Variants in NAPEPLD observed in about 807,000 individuals in gnomAD.
The protein encoded by NAPEPLD is N-acyl-phosphatidylethanolamine-hydrolyzing phospholipase D.
A neutral mutation model predicts 38.1 loss-of-function variants in NAPEPLD; 23 were observed. The observed-to-expected ratio is 0.60, with a 90% CI of 0.43 to 0.86. The LOEUF is 0.86. NAPEPLD is among the 40% of genes least tolerant of loss of function. The pLI is 0.00. For missense variants in NAPEPLD, 411 were observed against 476.8 expected, an observed-to-expected ratio of 0.86 and a Z score of 1.28; for synonymous variants, 147 against 162.0, an observed-to-expected ratio of 0.91 and a Z score of 0.71.
rs1802420024 is a variant in NAPEPLD at position 103,101,691 on chromosome 7, T to C, written c.*1738A>G. On this transcript the variant is annotated 3_prime_UTR_variant, in exon 5 of 5. Coordinates refer to ENST00000465647, the MANE Select transcript of NAPEPLD (RefSeq NM_001122838.3). Reference sequence around the variant, plus strand: ...GTTGCAAATGAGGAAACAGGCACAGTGAGCACTGGTGACTTGTTTCAGGTT... The same window carrying C: ...GTTGCAAATGAGGAAACAGGCACAGCGAGCACTGGTGACTTGTTTCAGGTT... 1 of 152,594 alleles carries C rather than the reference T, an allele frequency of 6.6e-6. No homozygotes were observed. Among genetic ancestry groups the C allele is most frequent in the Admixed American group, 6.5e-5 (1 of 15,270 alleles). The allele number at this position is 152,594 out of a possible 1,614,324, so 9.5% of individuals were successfully genotyped here. A position where few individuals can be genotyped will look rare whatever the true frequency, so the allele number is the denominator to read the frequency against.
intron 2 of NAPEPLD, among the ~76,000 whole-genome samples, chr7:103,124,230 G>A (rs935364232): frequency 1.3e-5 from 2 of 152,096 alleles, no homozygotes; most frequent in African/African-American, 4.8e-5. Flanking sequence ...AGGCCAAGGT[G>A]GGTGGATCAC....
chr7:103,131,741 T>G (rs1431381412), intron 1 of NAPEPLD, among the ~76,000 whole-genome samples: 1 of 151,568 alleles, frequency 6.6e-6, no homozygotes, highest in African/African-American at 2.4e-5. Context: ...AAGATGGGAC[T>G]AGATTGTGAG....
intron 4 of NAPEPLD, among the ~76,000 whole-genome samples, chr7:103,106,599 G>A (rs1414424361): frequency 6.6e-6 from 1 of 152,064 alleles, no homozygotes; most frequent in African/African-American, 2.4e-5. Flanking sequence ...GCTTGAGTAG[G>A]CAGTTTTCCC....
At chr7:103,133,128 G>C (rs1190684165) in intron 1 of NAPEPLD, among the ~76,000 whole-genome samples, 1 of 152,124 alleles carries the variant, frequency 6.6e-6, no homozygotes, top group East Asian at 1.9e-4. Flanking sequence ...ATGGTTCACA[G>C]GGTCTGTGTT....
In NAPEPLD at chr7:103,142,995, A is replaced by G. The variant is rs1318447488; in HGVS notation, c.-17+5816T>C. Reference sequence around the variant, plus strand: ...TCCCAACACGTTGGGAGGCCAAGGCAGGCAGATCACTTGAGCCCAGGAGTT... The same window carrying G: ...TCCCAACACGTTGGGAGGCCAAGGCGGGCAGATCACTTGAGCCCAGGAGTT... On this transcript the variant is annotated intron_variant, in intron 1 of 4. Coordinates refer to ENST00000465647, the MANE Select transcript of NAPEPLD (RefSeq NM_001122838.3). Among the ~76,000 whole-genome samples the G allele has an allele frequency of 2.6e-5, 4 of 152,086 alleles. No individual in the cohort carries two copies. The East Asian group carries it at 7.7e-4, about 29-fold the overall frequency.
Position 103,120,215 on chromosome 7 carries a change from G to T in NAPEPLD, c.303C>A (p.Asp101Glu). 1.9e-6 allele frequency: 3 copies of T among 1,611,042 alleles called. No individual in the cohort carries two copies. The highest frequency in any genetic ancestry group is 1.7e-6 in the Non-Finnish European group (2 of 1,178,264). ...SSVPSSKEEL[D>E]KELPVLKPYF... is the part of the protein sequence containing the mutation. ...ATGGCTTAAGCACTGGGAGTTCTTT[G>T]TCTAGTTCCTTTGTGTATAAAGAAA... is the stretch of plus-strand genomic sequence containing the variant. Residue 101 changes from aspartate (D) to glutamate (E), a missense_variant, in exon 3 of 5, where the codon GAC becomes GAA. Transcript: ENST00000465647.
intron 1 of NAPEPLD, among the ~76,000 whole-genome samples, chr7:103,134,683 T>C (rs1176563582): frequency 6.6e-6 from 1 of 152,184 alleles, no homozygotes; most frequent in Admixed American, 6.5e-5. Flanking sequence ...AATGTTCTTT[T>C]TTAAAGAACA....
At chr7:103,147,516 A>C (rs1341246102) in intron 1 of NAPEPLD, among the ~76,000 whole-genome samples, 3 of 152,206 alleles carry the variant, frequency 2.0e-5, no homozygotes, top group Non-Finnish European at 4.4e-5. Flanking sequence ...ATTAAAGGCA[A>C]ATACTGCTTT....
At chr7:103,114,937 T>C (rs540843239) in intron 4 of NAPEPLD, 123 bp downstream of exon 4, 1 of 662,900 alleles carries the variant, frequency 1.5e-6, no homozygotes, top group Admixed American at 2.8e-5. Context: ...ATTCATGCAG[T>C]GACTGTGATG....
chr7:103,144,037 T>A (rs911440654), intron 1 of NAPEPLD, among the ~76,000 whole-genome samples: 1 of 152,192 alleles, frequency 6.6e-6, no homozygotes, highest in African/African-American at 2.4e-5. Flanking sequence ...ATAATTATTA[T>A]CCTCATGCTA....
intron 1 of NAPEPLD, among the ~76,000 whole-genome samples, chr7:103,146,340 G>A (rs1350721183): frequency 2.7e-5 from 4 of 147,530 alleles, no homozygotes; most frequent in Admixed American, 6.8e-5. Flanking sequence ...GCGAGACTCC[G>A]TCTCAAAAAA....
At chr7:103,146,936 A>G (rs1040052457) in intron 1 of NAPEPLD, among the ~76,000 whole-genome samples, 64 of 152,134 alleles carry the variant, frequency 4.2e-4, no homozygotes, top group Admixed American at 4.2e-3. Context: ...CTCTCTCTAT[A>G]TATATACATA....
chr7:103,124,556 G>T (rs1032482341), intron 2 of NAPEPLD, among the ~76,000 whole-genome samples: 1 of 152,130 alleles, frequency 6.6e-6, no homozygotes, highest in Non-Finnish European at 1.5e-5. Context: ...CACTCACGTG[G>T]CATTTTCATG....
In NAPEPLD at chr7:103,103,441, A is replaced by G; in HGVS notation, c.1170T>C (p.Asp390=). The G allele has an allele frequency of 7.6e-7, 1 of 1,317,544 alleles. No individual in the cohort carries two copies. The allele number at this position is 1,317,544 out of a possible 1,614,324, so 81.6% of individuals were successfully genotyped here. ...GTGCTCACATTTATTAAAAGTTTTC[A>G]TCATCATTATTTAGGTATCTTGATT... ...HGESRYLNND[D]ENF Residue 390 remains aspartate, a synonymous_variant, in exon 5 of 5, where the codon GAT becomes GAC. Coordinates refer to ENST00000465647, the MANE Select transcript of NAPEPLD (RefSeq NM_001122838.3).
intron 1 of NAPEPLD, among the ~76,000 whole-genome samples, chr7:103,143,425 C>G (rs1811894663): frequency 6.6e-6 from 1 of 152,108 alleles, no homozygotes. Flanking sequence ...GTAACAGAAC[C>G]CGTTTTACTT....
chr7:103,114,358 A>G (rs1277471835), intron 4 of NAPEPLD, among the ~76,000 whole-genome samples: 1 of 152,196 alleles, frequency 6.6e-6, no homozygotes, highest in African/African-American at 2.4e-5. Context: ...TTAATCTAGG[A>G]ATAAAATCAC....
intron 2 of NAPEPLD, among the ~76,000 whole-genome samples, chr7:103,121,138 C>T (rs774942125): frequency 5.9e-5 from 9 of 152,076 alleles, no homozygotes; most frequent in South Asian, 2.1e-4. Flanking sequence ...ATCAAACCAA[C>T]GTGAATATGA....
At position 103,147,675 on chromosome 7, in the gene NAPEPLD, T is replaced by C. The variant is rs191048324; in HGVS notation, c.-17+1136A>G. On this transcript the variant is annotated intron_variant, in intron 1 of 4. Coordinates refer to ENST00000465647, the MANE Select transcript of NAPEPLD (RefSeq NM_001122838.3). ...AAACCCTGTGATGGAATGCTTATGC[T>C]AAAATGTTCTTCATATAGTTATAAC... Among the ~76,000 whole-genome samples the C allele has an allele frequency of 3.9e-5, 6 of 152,356 alleles. No individual in the cohort carries two copies. In the East Asian group the frequency reaches 1.2e-3, roughly 29 times the overall value.
chr7:103,102,938 T>C lies in NAPEPLD; in HGVS notation c.*491A>G, dbSNP rs1181416447. On this transcript the variant is annotated 3_prime_UTR_variant, in exon 5 of 5. Coordinates refer to ENST00000465647, the MANE Select transcript of NAPEPLD (RefSeq NM_001122838.3). The stretch of plus-strand genomic sequence containing the variant: ...GATAGAGCAAGAATTGCTATGTTTA[T>C]AATAAGCATGTTGGACTGAATTTCA... 1 of 152,678 alleles carries C rather than the reference T, an allele frequency of 6.5e-6. No individual in the cohort carries two copies. The highest frequency in any genetic ancestry group is 1.5e-5 in the Non-Finnish European group (1 of 68,056). The allele number at this position is 152,678 out of a possible 1,614,324, so 9.5% of individuals were successfully genotyped here.
Sources: allele counts gnomAD v4.1 joint callset (sites outside exome capture counted in the v4.1 genomes callset), GRCh38; gene constraint gnomAD v4.1.1; transcripts MANE v1.5; gene names NCBI Gene and HGNC (gene_info 2026-07-23, HGNC 2026-07-21).